Variants in RBFOX1 observed in about 807,000 individuals in gnomAD.
RBFOX1 encodes RNA binding fox-1 homolog 1, also known as RNA binding protein fox-1 homolog 1.
RBFOX1 carries 8 observed loss-of-function variants against 57.7 expected under a neutral mutation model. The observed-to-expected ratio is 0.14, with a 90% confidence interval of 0.08 to 0.25. The LOEUF (loss-of-function observed/expected upper bound fraction) is 0.25. Ranked by LOEUF, RBFOX1 falls within the 10% of genes least tolerant of loss-of-function variation. RBFOX1 has a pLI of 1.00. For synonymous variants in RBFOX1, 326 were observed against 222.4 expected, an observed-to-expected ratio of 1.47 and a Z score of -4.15; for missense variants, 611 against 548.5, an observed-to-expected ratio of 1.11 and a Z score of -1.14.
intron 14 of RBFOX1, among the ~76,000 whole-genome samples, chr16:7,686,681 A>G (rs2076134927): frequency 1.3e-5 from 2 of 152,204 alleles, no homozygotes; most frequent in Admixed American, 1.3e-4. Flanking sequence ...TTATATCTCA[A>G]TTTTTCCAAA....
chr16:7,357,570 C>A (rs2097241480), intron 4 of RBFOX1, among the ~76,000 whole-genome samples: 1 of 152,158 alleles, frequency 6.6e-6, no homozygotes. Flanking sequence ...TGTTTTGCTG[C>A]ATACATTTTG....
intron 14 of RBFOX1, among the ~76,000 whole-genome samples, chr16:7,688,254 T>TGAGAGA (rs1234300479): frequency 8.6e-6 from 1 of 115,686 alleles, no homozygotes; most frequent in African/African-American, 3.4e-5. Flanking sequence ...TGTGTGTGTG[T>TGAGAGA]GTGTGTGAGA....
chr16:6,088,575 T>C (rs1333824978), intron 1 of RBFOX1, among the ~76,000 whole-genome samples: 1 of 150,520 alleles, frequency 6.6e-6, no homozygotes, highest in African/African-American at 2.5e-5. Context: ...CAACTCTGTG[T>C]TAGGCAGTAT....
intron 3 of RBFOX1, among the ~76,000 whole-genome samples, chr16:5,794,047 G>A (rs1452738066): frequency 6.6e-6 from 1 of 152,160 alleles, no homozygotes; most frequent in Non-Finnish European, 1.5e-5. Flanking sequence ...GTGGTCATTT[G>A]TGGTTAAGGG....
chr16:7,562,437 A>G (rs2090608140), intron 5 of RBFOX1, among the ~76,000 whole-genome samples: 1 of 152,138 alleles, frequency 6.6e-6, no homozygotes, highest in South Asian at 2.1e-4. Flanking sequence ...CTCATCTGAA[A>G]GGAGAGTTGG....
At chr16:6,965,739 A>C (rs951331291) in intron 3 of RBFOX1, among the ~76,000 whole-genome samples, 2 of 152,234 alleles carry the variant, frequency 1.3e-5, no homozygotes, top group African/African-American at 4.8e-5. Flanking sequence ...GAATGATAAT[A>C]ATCATGTTTA....
At chr16:6,743,562 C>G (rs2072827224) in intron 3 of RBFOX1, among the ~76,000 whole-genome samples, 1 of 151,920 alleles carries the variant, frequency 6.6e-6, no homozygotes, top group African/African-American at 2.4e-5. Flanking sequence ...AGCAACATGA[C>G]AAGACCCCAA....
At chr16:6,267,030 T>C (rs1207591025) in intron 1 of RBFOX1, among the ~76,000 whole-genome samples, 1 of 152,174 alleles carries the variant, frequency 6.6e-6, no homozygotes, top group Admixed American at 6.5e-5. Context: ...ATATTTTTGA[T>C]GGGATAGGTT....
At chr16:6,337,464 A>T (rs2083924563) in intron 2 of RBFOX1, among the ~76,000 whole-genome samples, 2 of 152,236 alleles carry the variant, frequency 1.3e-5, no homozygotes, top group Admixed American at 6.5e-5. Flanking sequence ...ATACGAATAT[A>T]TGTTGTGGGC....
intron 3 of RBFOX1, among the ~76,000 whole-genome samples, chr16:5,737,126 T>G (rs1299342480): frequency 6.6e-6 from 1 of 152,032 alleles, no homozygotes; most frequent in Non-Finnish European, 1.5e-5. Context: ...GGCTCCACTT[T>G]CTGCTGGATG....
At position 5,730,107 on chromosome 16, in the gene RBFOX1, G is replaced by A. The variant is rs112419493; in HGVS notation, c.318+131146G>A. ...AATTAAACTCAGAACTTACCTGTCA[G>A]TGTGTCTGGGGAATTTAGGTTTTTG... On this transcript the variant is annotated intron_variant, in intron 3 of 19. Transcript: ENST00000641259. Among the ~76,000 whole-genome samples the A allele has an allele frequency of 3.0e-3, 452 of 152,318 alleles. 2 individuals are homozygous for A. The highest frequency in any genetic ancestry group is 4.9e-3 in the Non-Finnish European group (336 of 68,032).
chr16:6,476,614 G>A (rs1408594687), intron 2 of RBFOX1, among the ~76,000 whole-genome samples: 1 of 152,162 alleles, frequency 6.6e-6, no homozygotes, highest in African/African-American at 2.4e-5. Flanking sequence ...TCTTTTTGCT[G>A]GTGGAGGGTC....
At chr16:7,510,145 A>C (rs909709317) in intron 4 of RBFOX1, 6 of 985,604 alleles carry the variant, frequency 6.1e-6, no homozygotes, top group Admixed American at 6.2e-5. Flanking sequence ...GAGGTCAGCC[A>C]GGCGGCCTCA....
chr16:5,510,459 C>G (rs1371776195), intron 2 of RBFOX1, among the ~76,000 whole-genome samples: 1 of 151,796 alleles, frequency 6.6e-6, no homozygotes, highest in Non-Finnish European at 1.5e-5. Context: ...CATGGCCTCT[C>G]AAAGCCAAGT....
chr16:5,383,034 A>G (rs1369698968), intron 1 of RBFOX1, among the ~76,000 whole-genome samples: 1 of 152,222 alleles, frequency 6.6e-6, no homozygotes, highest in Non-Finnish European at 1.5e-5. Flanking sequence ...CTCACATGCT[A>G]TAAAGCGACC....
At chr16:5,589,415 C>A (rs551784350) in intron 2 of RBFOX1, among the ~76,000 whole-genome samples, 139 of 152,266 alleles carry the variant, frequency 9.1e-4, no homozygotes, top group Middle Eastern at 3.4e-3. Context: ...TTTACTCACC[C>A]AAAAATGAGG....
At chr16:5,432,687 G>T (rs1043168801) in intron 1 of RBFOX1, among the ~76,000 whole-genome samples, 1 of 151,884 alleles carries the variant, frequency 6.6e-6, no homozygotes, top group Non-Finnish European at 1.5e-5. Flanking sequence ...CTGACTGTGG[G>T]TGCCCAGGCT....
At chr16:5,992,641 T>C (rs2060420863) in intron 4 of RBFOX1, among the ~76,000 whole-genome samples, 2 of 152,152 alleles carry the variant, frequency 1.3e-5, no homozygotes, top group African/African-American at 4.8e-5. Context: ...GGAGACACTA[T>C]TAAGATTTGT....
At chr16:5,880,071 C>G (rs995523403) in intron 4 of RBFOX1, among the ~76,000 whole-genome samples, 2 of 152,128 alleles carry the variant, frequency 1.3e-5, no homozygotes, top group Non-Finnish European at 2.9e-5. Context: ...ACAGCAAGCA[C>G]CTCTATTCTC....
Sources: allele counts gnomAD v4.1 joint callset (sites outside exome capture counted in the v4.1 genomes callset), GRCh38; gene constraint gnomAD v4.1.1; transcripts MANE v1.5; gene names NCBI Gene and HGNC (gene_info 2026-07-23, HGNC 2026-07-21).